Variants in ZNF385D observed in about 807,000 individuals in gnomAD.
ZNF385D encodes zinc finger protein 659.
Under a neutral mutation model 35.8 loss-of-function variants are expected in ZNF385D, and 15 were observed. The observed-to-expected ratio is 0.42, with a 90% CI of 0.28 to 0.64. The LOEUF is 0.64. Ranked by LOEUF, ZNF385D falls within the 30% of genes least tolerant of loss-of-function variation. The probability of loss-of-function intolerance (pLI) is 0.23; values close to 1 mark genes in which losing one functional copy is unlikely to be tolerated. For synonymous variants in ZNF385D, 212 were observed against 186.8 expected, an observed-to-expected ratio of 1.13 and a Z score of -1.10; for missense variants, 474 against 494.6, an observed-to-expected ratio of 0.96 and a Z score of 0.39.
At chr3:21,637,728 T>C (rs2065489059) in intron 2 of ZNF385D, among the ~76,000 whole-genome samples, 1 of 152,100 alleles carries the variant, frequency 6.6e-6, no homozygotes, top group Non-Finnish European at 1.5e-5. Context: ...TACAAGGAGT[T>C]CACTTGTTTC....
At chr3:22,259,417 T>G (rs1012172552) in intron 2 of ZNF385D, among the ~76,000 whole-genome samples, 2 of 151,916 alleles carry the variant, frequency 1.3e-5, no homozygotes, top group Non-Finnish European at 1.5e-5. Flanking sequence ...AATACCAGTA[T>G]AAGAATAACC....
intron 1 of ZNF385D, among the ~76,000 whole-genome samples, chr3:21,709,160 G>C (rs1180927141): frequency 6.6e-6 from 1 of 152,134 alleles, no homozygotes; most frequent in Non-Finnish European, 1.5e-5. Context: ...ATGAGTATTA[G>C]TGGATACCAT....
chr3:22,012,283 C>G (rs1696625322), intron 3 of ZNF385D, among the ~76,000 whole-genome samples: 1 of 152,102 alleles, frequency 6.6e-6, no homozygotes. Context: ...ATACGTAGCT[C>G]TTTTTGAACT....
chr3:21,675,912 G>T lies in ZNF385D; in HGVS notation c.23-10884C>A, dbSNP rs1575441618. Among the ~76,000 whole-genome samples the T allele has an allele frequency of 3.3e-5, 5 of 152,162 alleles. No individual in the cohort carries two copies. In the South Asian group the frequency reaches 8.3e-4, roughly 25 times the overall value. ...GAAGAACAAAATAGAAACTAAGTTT[G>T]CATTCAACGTAACTAATTCTACTTA... On this transcript the variant is annotated intron_variant, in intron 1 of 7. Coordinates refer to ENST00000281523, the MANE Select transcript of ZNF385D (RefSeq NM_024697.3).
At chr3:21,636,378 T>TTATATATATATATATATATATATATATA (rs1183440640) in intron 2 of ZNF385D, among the ~76,000 whole-genome samples, 1 of 47,984 alleles carries the variant, frequency 2.1e-5, no homozygotes, top group African/African-American at 9.0e-5. Flanking sequence ...ATATATATGA[T>TTATATATATATATATATATATATATATA]TATATATATA....
chr3:21,973,597 G>T (rs916127376), intron 3 of ZNF385D, among the ~76,000 whole-genome samples: 3 of 151,822 alleles, frequency 2.0e-5, no homozygotes, highest in Non-Finnish European at 2.9e-5. Context: ...AGAAATAAAG[G>T]CCATCTAAAT....
At chr3:21,958,788 A>T (rs114656150) in intron 3 of ZNF385D, 1 of 152,212 alleles carries the variant, frequency 6.6e-6, no homozygotes, top group Admixed American at 6.5e-5. Flanking sequence ...TTTTCTAAAT[A>T]TAAACCATGG....
At chr3:21,682,215 T>TCTCTCTCTCTCTCTCTCTCTCTCTCTCCC (rs1553636604) in intron 1 of ZNF385D, among the ~76,000 whole-genome samples, 2 of 151,088 alleles carry the variant, frequency 1.3e-5, no homozygotes, top group African/African-American at 4.9e-5. Context: ...GTTTTTAGTT[T>TCTCTCTCTCTCTCTCTCTCTCTCTCTCCC]AGCTTTGTCC....
At chr3:22,310,259 C>G (rs961788795) in intron 2 of ZNF385D, among the ~76,000 whole-genome samples, 2 of 151,942 alleles carry the variant, frequency 1.3e-5, no homozygotes, top group Admixed American at 1.3e-4. Flanking sequence ...CTTCTTGGAA[C>G]TTCATTTTAC....
At chr3:21,514,477 G>C (rs907077892) in intron 3 of ZNF385D, among the ~76,000 whole-genome samples, 1 of 152,054 alleles carries the variant, frequency 6.6e-6, no homozygotes, top group Non-Finnish European at 1.5e-5. Flanking sequence ...TGGCCTAAAA[G>C]TTTCCGCATA....
rs775383259 is a variant in ZNF385D at position 22,138,886 on chromosome 3, C to T, written c.325+29931G>A. ...ACCATCAGAGTGAACAGGCAACCTA[C>T]ACAATGGGAGAAAATTTTTGCAACC... On this transcript the variant is annotated intron_variant, in intron 3 of 5. Transcript: ENST00000494108. 9.9e-3 allele frequency among the ~76,000 whole-genome samples: 1,502 copies of T among 152,198 alleles called. 7 individuals are homozygous for T. The highest frequency in any genetic ancestry group is 0.016 in the Non-Finnish European group (1,115 of 68,012).
chr3:21,451,078 T>G (rs1477175016), intron 4 of ZNF385D, among the ~76,000 whole-genome samples: 1 of 152,112 alleles, frequency 6.6e-6, no homozygotes, highest in East Asian at 1.9e-4. Flanking sequence ...CCCTTTTAAG[T>G]TACAGATTTA....
intron 5 of ZNF385D, 63 bp downstream of exon 5, chr3:21,436,902 GATCTA>G: frequency 7.0e-7 from 1 of 1,434,948 alleles, no homozygotes; most frequent in Non-Finnish European, 9.6e-7. Context: ...TGCTGCAAAA[GATCTA>G]ATCTATTCAG....
chr3:21,796,011 G>C (rs1272314272), intron 3 of ZNF385D, among the ~76,000 whole-genome samples: 2 of 152,198 alleles, frequency 1.3e-5, no homozygotes, highest in African/African-American at 2.4e-5. Flanking sequence ...AAATGACTAT[G>C]TGGCAATACT....
chr3:22,175,579 T>C (rs776256104), intron 2 of ZNF385D, among the ~76,000 whole-genome samples: 13 of 152,050 alleles, frequency 8.5e-5, no homozygotes, highest in African/African-American at 2.2e-4. Flanking sequence ...TGAACCATTA[T>C]AGGCAAATAT....
At chr3:21,721,113 C>T (rs1456171691) in intron 1 of ZNF385D, among the ~76,000 whole-genome samples, 4 of 151,658 alleles carry the variant, frequency 2.6e-5, no homozygotes, top group Non-Finnish European at 2.9e-5. Context: ...AAAACATACT[C>T]TTGCGGTTTA....
intron 5 of ZNF385D, among the ~76,000 whole-genome samples, chr3:21,426,293 T>C (rs1701022917): frequency 6.6e-6 from 1 of 152,174 alleles, no homozygotes; most frequent in Admixed American, 6.5e-5. Context: ...AGGTGGGCTA[T>C]GTAAACAAAT....
chr3:22,022,982 A>C (rs1283170280), intron 3 of ZNF385D, among the ~76,000 whole-genome samples: 2 of 152,178 alleles, frequency 1.3e-5, no homozygotes, highest in African/African-American at 2.4e-5. Flanking sequence ...AGTCTAAAGA[A>C]GGCAAATAAA....
At chr3:21,713,805 C>T (rs1489764467) in intron 1 of ZNF385D, among the ~76,000 whole-genome samples, 2 of 152,200 alleles carry the variant, frequency 1.3e-5, no homozygotes, top group African/African-American at 4.8e-5. Flanking sequence ...TTACCAATAA[C>T]TGCAACTTTA....
Sources: gnomAD v4.1 joint callset for allele counts (sites outside exome capture counted in the v4.1 genomes callset) on GRCh38, gnomAD v4.1.1 for gene constraint, MANE v1.5 for transcripts, NCBI Gene and HGNC (gene_info 2026-07-23, HGNC 2026-07-21) for gene names.